The following TRIM35 variants were observed in gnomAD, a reference collection of about 807,000 sequenced individuals.
TRIM35 encodes tripartite motif containing 35, also known as E3 ubiquitin-protein ligase TRIM35.
TRIM35 carries 37 observed loss-of-function variants against 49.1 expected under a neutral mutation model. That is an observed-to-expected ratio of 0.75 (90% CI 0.58 to 0.99). The LOEUF (loss-of-function observed/expected upper bound fraction) is 0.99. Ranked by LOEUF, TRIM35 falls within the 50% of genes least tolerant of loss-of-function variation. The pLI is 0.00. For synonymous variants in TRIM35, 302 were observed against 289.3 expected, an observed-to-expected ratio of 1.04 and a Z score of -0.45; for missense variants, 648 against 702.7, an observed-to-expected ratio of 0.92 and a Z score of 0.88.
intron 5 of TRIM35, among the ~76,000 whole-genome samples, chr8:27,288,412 AC>A (rs939108972): frequency 1.2e-3 from 178 of 152,258 alleles, no homozygotes; most frequent in African/African-American, 4.1e-3. Flanking sequence ...ATCCAATATG[AC>A]CTGTGTCCTT....
chr8:27,303,971 G>A (rs1313865843), intron 1 of TRIM35, among the ~76,000 whole-genome samples: 2 of 152,182 alleles, frequency 1.3e-5, no homozygotes, highest in Non-Finnish European at 2.9e-5. Flanking sequence ...TGGGATTACA[G>A]GCATGAGCCA....
Position 27,311,181 on chromosome 8 carries a change from A to G in TRIM35, c.55T>C (p.Leu19=), listed in dbSNP as rs755365882. Residue 19 remains leucine (L), a synonymous_variant, in exon 1 of 6, where the codon TTG becomes CTG. Transcript: ENST00000305364. ...PGPSRSFKEE[L]LCAVCYDPFR... ...GGGTCGTAGCAGACGGCGCAGAGCA[A>G]CTCCTCCTTGAAGGAGCGGGAAGGC... The G allele has an allele frequency of 6.2e-7, 1 of 1,604,210 alleles. No homozygotes were observed. Among genetic ancestry groups the G allele is most frequent in the Non-Finnish European group, 8.5e-7 (1 of 1,175,828 alleles).
chr8:27,298,483 G>C lies in TRIM35; in HGVS notation c.512C>G (p.Ala171Gly), dbSNP rs370409864. ...GCTCACCTGATTGTGCTTGGCGATG[G>C]CCTCATAGGAGCGCCGCATGGCCCA... ...AFWAMRRSYE[A>G]IAKHNQVEAA... The change falls in exon 2 of 6, where the codon GCC becomes GGC. Residue 171 changes from alanine to glycine, a missense_variant. By Grantham distance (60) the Ala-to-Gly change is moderately conservative. Coordinates refer to ENST00000305364, the MANE Select transcript of TRIM35 (RefSeq NM_171982.5). 2 of 1,614,098 alleles carry C rather than the reference G, an allele frequency of 1.2e-6. No individual in the cohort carries two copies. The highest frequency in any genetic ancestry group is 1.7e-6 in the Non-Finnish European group (2 of 1,180,038).
chr8:27,307,933 A>T (rs1446373642), intron 1 of TRIM35, among the ~76,000 whole-genome samples: 10 of 152,108 alleles, frequency 6.6e-5, no homozygotes, highest in Non-Finnish European at 1.5e-4. Context: ...TAAATTAAGG[A>T]TCTTGCTGTG....
chr8:27,306,546 G>A (rs544215979), intron 1 of TRIM35, among the ~76,000 whole-genome samples: 142 of 152,016 alleles, frequency 9.3e-4, no homozygotes, highest in African/African-American at 3.3e-3. Flanking sequence ...GGCTGGTCTC[G>A]AACTCCTGAC....
Position 27,310,979 on chromosome 8 carries a change from T to G in TRIM35, c.257A>C (p.Glu86Ala). 1.2e-6 allele frequency: 2 copies of G among 1,612,174 alleles called. No homozygotes were observed. Among genetic ancestry groups the G allele is most frequent in the Non-Finnish European group, 1.7e-6 (2 of 1,179,504 alleles). The change falls in exon 1 of 6, where the codon GAG becomes GCG. Residue 86 changes from glutamate to alanine, a missense_variant. Glu to Ala is a moderately radical substitution (Grantham distance 107). Coordinates refer to ENST00000305364, the MANE Select transcript of TRIM35 (RefSeq NM_171982.5). Reference sequence around the variant, plus strand: ...GCTGGTCCAGCGCGCGCCCTCGGCCTCCTCGCGCAGCAGCTTCTCCACCAG... The same window carrying G: ...GCTGGTCCAGCGCGCGCCCTCGGCCGCCTCGCGCAGCAGCTTCTCCACCAG... Reference protein sequence around the residue: ...NNLVEKLLREEAEGARWTSYR... With the variant: ...NNLVEKLLREAAEGARWTSYR...
intron 3 of TRIM35, among the ~76,000 whole-genome samples, chr8:27,290,486 T>C (rs940682426): frequency 1.3e-5 from 2 of 152,154 alleles, no homozygotes; most frequent in African/African-American, 4.8e-5. Context: ...TGAGACTGGG[T>C]TGCTATAAAG....
chr8:27,302,860 C>T (rs1340392481), intron 1 of TRIM35, among the ~76,000 whole-genome samples: 1 of 152,174 alleles, frequency 6.6e-6, no homozygotes, highest in Non-Finnish European at 1.5e-5. Flanking sequence ...AAATATGCAA[C>T]CATATTATCT....
rs773943551 is a variant in TRIM35 at position 27,294,229 on chromosome 8, T to C, written c.613A>G (p.Ile205Val). 6.2e-7 allele frequency: 1 copy of C among 1,614,164 alleles called. No homozygotes were observed. The highest frequency in any genetic ancestry group is 1.7e-5 in the Admixed American group (1 of 60,022). The change falls in exon 3 of 6, where the codon ATT (isoleucine) becomes GTT (valine). Residue 205 changes from isoleucine (I) to valine (V), a missense_variant. Ile to Val is a conservative substitution (Grantham distance 29, BLOSUM62 3). Transcript: ENST00000305364. ...REFLRVEEQA[I>V]LDAMAEETRQ... is the part of the protein sequence containing the mutation. ...GTCTCCTCGGCCATGGCATCCAGAA[T>C]GGCCTGCTCCTCCACTCTCAAGAAC...
chr8:27,303,674 A>AT (rs1253545602), intron 1 of TRIM35, among the ~76,000 whole-genome samples: 2 of 152,064 alleles, frequency 1.3e-5, no homozygotes, highest in Admixed American at 6.6e-5. Flanking sequence ...TAACATTAAG[A>AT]TTTTTTATTT....
intron 1 of TRIM35, chr8:27,304,716 C>G (rs1802748220): frequency 2.5e-6 from 1 of 405,058 alleles, no homozygotes. Flanking sequence ...ACCACCTGCC[C>G]AGTCAATGAG....
intron 3 of TRIM35, among the ~76,000 whole-genome samples, chr8:27,291,245 G>A (rs1802447275): frequency 6.6e-6 from 1 of 152,002 alleles, no homozygotes; most frequent in Admixed American, 6.6e-5. Context: ...AATGGGCAAA[G>A]GATGTGAATA....
At chr8:27,308,162 G>A (rs541450963) in intron 1 of TRIM35, among the ~76,000 whole-genome samples, 6 of 152,148 alleles carry the variant, frequency 3.9e-5, no homozygotes, top group Admixed American at 2.0e-4. Context: ...CAGACACCTC[G>A]ATTTTAGGAC....
chr8:27,299,691 C>T (rs1802644262), intron 1 of TRIM35, among the ~76,000 whole-genome samples: 1 of 152,202 alleles, frequency 6.6e-6, no homozygotes, highest in African/African-American at 2.4e-5. Context: ...ATAAATTATA[C>T]AGATGTGTCG....
intron 4 of TRIM35, among the ~76,000 whole-genome samples, chr8:27,289,852 A>G (rs140634455): frequency 1.3e-5 from 2 of 152,286 alleles, no homozygotes; most frequent in East Asian, 3.9e-4. Context: ...CAAGCCTGAC[A>G]TTGACTGGCC....
At position 27,287,967 on chromosome 8, in the gene TRIM35, C is replaced by A; in HGVS notation, c.1065G>T (p.Ser355=). The change falls in exon 6 of 6, where the codon TCG becomes TCT. Residue 355 remains serine (S), a synonymous_variant. Coordinates refer to ENST00000305364, the MANE Select transcript of TRIM35 (RefSeq NM_171982.5). This position sits in a 1 kb window ranked among gnomAD's most constrained non-coding sequence, Gnocchi z 6.0. The part of the protein sequence containing the change: ...LLGSRVFSQG[S]HAWEVALGGL... ...CCCCAAGGGCCACCTCCCAGGCGTG[C>A]GAGCCCTGTGAGAAGACACGGGAGC... 1.2e-6 allele frequency: 2 copies of A among 1,613,296 alleles called. No homozygotes were observed. The highest frequency in any genetic ancestry group is 1.7e-5 in the Admixed American group (1 of 60,028).
chr8:27,290,829 T>A (rs1171168055), intron 3 of TRIM35, among the ~76,000 whole-genome samples: 3 of 151,984 alleles, frequency 2.0e-5, no homozygotes, highest in African/African-American at 7.2e-5. Flanking sequence ...AAGAAGAACA[T>A]TGGAAGACTC....
Position 27,298,557 on chromosome 8 carries a change from G to A in TRIM35, c.438C>T (p.Ala146=). ...GTGCATGCTCCATGTTCCTGCACTTGGCCTGACATGGGAATGAGAGAGAGG... is the reference window on the plus strand; with the variant it reads ...GTGCATGCTCCATGTTCCTGCACTTAGCCTGACATGGGAATGAGAGAGAGG... The part of the protein sequence containing the change: ...PVKDTAHDFR[A]KCRNMEHALR... Residue 146 remains alanine, a splice_region_variant and synonymous_variant, in exon 2 of 6, where the codon GCC becomes GCT. Coordinates refer to ENST00000305364, the MANE Select transcript of TRIM35 (RefSeq NM_171982.5). 1.2e-6 allele frequency: 2 copies of A among 1,613,970 alleles called. No individual in the cohort carries two copies. Among genetic ancestry groups the A allele is most frequent in the South Asian group, 1.1e-5 (1 of 91,060 alleles).
In TRIM35 at chr8:27,311,191, G is replaced by C. The variant is rs777843116; in HGVS notation, c.45C>G (p.Phe15Leu). 1.3e-6 allele frequency: 2 copies of C among 1,598,220 alleles called. No individual in the cohort carries two copies. The highest frequency in any genetic ancestry group is 2.7e-5 in the African/African-American group (2 of 74,682). ...AGACGGCGCAGAGCAACTCCTCCTT[G>C]AAGGAGCGGGAAGGCCCGGGGGACA... ...PDVSPGPSRS[F>L]KEELLCAVCY... Residue 15 changes from phenylalanine (F) to leucine (L), a missense_variant, in exon 1 of 6, where the codon TTC becomes TTG. Transcript: ENST00000305364.
Sources: allele counts gnomAD v4.1 joint callset (sites outside exome capture counted in the v4.1 genomes callset), GRCh38; gene constraint gnomAD v4.1.1; non-coding constraint Gnocchi (gnomAD v3.1); transcripts MANE v1.5; gene names NCBI Gene and HGNC (gene_info 2026-07-23, HGNC 2026-07-21).